Variants in GALNTL6 observed in about 807,000 individuals in gnomAD.
GALNTL6 encodes the protein polypeptide N-acetylgalactosaminyltransferase-like 6.
GALNTL6 carries 46 observed loss-of-function variants against 73.7 expected under a neutral mutation model. The ratio of observed to expected loss-of-function variants is 0.62; its 90% CI spans 0.49 to 0.80. GALNTL6 has a LOEUF of 0.80. Ranked by LOEUF, GALNTL6 falls within the 30% of genes least tolerant of loss-of-function variation. The probability of loss-of-function intolerance (pLI) is 0.00; values close to 1 mark genes in which losing one functional copy is unlikely to be tolerated. For synonymous variants in GALNTL6, 259 were observed against 263.7 expected, an observed-to-expected ratio of 0.98 and a Z score of 0.17; for missense variants, 604 against 755.0, an observed-to-expected ratio of 0.80 and a Z score of 2.34.
intron 2 of GALNTL6, among the ~76,000 whole-genome samples, chr4:172,005,223 C>T (rs943462719): frequency 1.3e-5 from 2 of 152,092 alleles, no homozygotes; most frequent in African/African-American, 2.4e-5. Context: ...CTCCCTGGCT[C>T]AGGTGATGCT....
At chr4:172,087,817 T>A (rs77646283) in intron 2 of GALNTL6, among the ~76,000 whole-genome samples, 2 of 152,082 alleles carry the variant, frequency 1.3e-5, no homozygotes, top group African/African-American at 4.8e-5. Context: ...ATCGTACATC[T>A]TTTTTATATA....
intron 5 of GALNTL6, among the ~76,000 whole-genome samples, chr4:172,383,336 C>A (rs1743352815): frequency 6.6e-6 from 1 of 151,952 alleles, no homozygotes; most frequent in Non-Finnish European, 1.5e-5. Flanking sequence ...ACTTTTGTTA[C>A]ACTTATTTAT....
chr4:172,118,569 A>G (rs1733051889), intron 2 of GALNTL6, among the ~76,000 whole-genome samples: 1 of 152,028 alleles, frequency 6.6e-6, no homozygotes, highest in Middle Eastern at 3.2e-3. Context: ...GCATGGTGGC[A>G]TATGCCTGTA....
chr4:172,744,797 T>A (rs1234350571), intron 5 of GALNTL6, among the ~76,000 whole-genome samples: 1 of 151,672 alleles, frequency 6.6e-6, no homozygotes, highest in Non-Finnish European at 1.5e-5. Context: ...CATAGTGCCA[T>A]TTCAAACAAG....
At chr4:172,942,316 T>C (rs1460765285) in intron 9 of GALNTL6, among the ~76,000 whole-genome samples, 1 of 152,210 alleles carries the variant, frequency 6.6e-6, no homozygotes, top group Non-Finnish European at 1.5e-5. Flanking sequence ...TTAATAATAA[T>C]TGGAATAAAT....
At chr4:172,369,382 A>G (rs1742697019) in intron 5 of GALNTL6, among the ~76,000 whole-genome samples, 1 of 152,208 alleles carries the variant, frequency 6.6e-6, no homozygotes, top group African/African-American at 2.4e-5. Context: ...AAAGTTCTCA[A>G]AGTCTCCACC....
chr4:172,226,605 C>CTGTGTGTGTGTG (rs3083245), intron 2 of GALNTL6, among the ~76,000 whole-genome samples: 29 of 150,118 alleles, frequency 1.9e-4, no homozygotes, highest in African/African-American at 6.8e-4. Flanking sequence ...GTGTGTGTTT[C>CTGTGTGTGTGTG]TGTGTGTGTG....
chr4:172,754,437 T>A (rs370902727), intron 5 of GALNTL6, among the ~76,000 whole-genome samples: 21 of 152,228 alleles, frequency 1.4e-4, no homozygotes, highest in East Asian at 5.8e-4. Context: ...CCAGATGTGA[T>A]GGTGCATGCC....
intron 2 of GALNTL6, among the ~76,000 whole-genome samples, chr4:172,048,404 A>T (rs1270345789): frequency 6.6e-6 from 1 of 152,166 alleles, no homozygotes; most frequent in African/African-American, 2.4e-5. Context: ...CTATTCCTGC[A>T]TCTCTGAAGC....
At chr4:173,034,029 C>T (rs1440008258) in intron 12 of GALNTL6, among the ~76,000 whole-genome samples, 2 of 152,240 alleles carry the variant, frequency 1.3e-5, no homozygotes, top group East Asian at 1.9e-4. Flanking sequence ...CACACCAATC[C>T]TGTTTCTCTT....
chr4:171,893,043 A>G (rs1736807768), intron 2 of GALNTL6, among the ~76,000 whole-genome samples: 1 of 152,244 alleles, frequency 6.6e-6, no homozygotes. Context: ...GAATGAAAAA[A>G]AAATGAATAA....
At chr4:172,757,380 C>T (rs1737811651) in intron 5 of GALNTL6, among the ~76,000 whole-genome samples, 1 of 152,184 alleles carries the variant, frequency 6.6e-6, no homozygotes, top group Non-Finnish European at 1.5e-5. Context: ...TACTATGGTA[C>T]TGCCCAGGCT....
chr4:172,031,839 A>G (rs1437725935), intron 2 of GALNTL6, among the ~76,000 whole-genome samples: 1 of 152,070 alleles, frequency 6.6e-6, no homozygotes, highest in Non-Finnish European at 1.5e-5. Context: ...ATAAAGTACC[A>G]CAGATGGATG....
At chr4:172,752,928 A>G (rs539133379) in intron 5 of GALNTL6, among the ~76,000 whole-genome samples, 23 of 152,292 alleles carry the variant, frequency 1.5e-4, no homozygotes, top group Admixed American at 3.3e-4. Flanking sequence ...GATATACTCA[A>G]TTTAGTCATC....
chr4:172,045,305 A>C (rs1037968458), intron 2 of GALNTL6, among the ~76,000 whole-genome samples: 3 of 152,044 alleles, frequency 2.0e-5, no homozygotes, highest in Admixed American at 1.3e-4. Context: ...ATTCTAATGC[A>C]AAAGGAGCTC....
intron 9 of GALNTL6, among the ~76,000 whole-genome samples, chr4:172,944,570 A>G (rs1246723928): frequency 6.6e-6 from 1 of 152,222 alleles, no homozygotes; most frequent in Non-Finnish European, 1.5e-5. Context: ...AGTTAGACAC[A>G]TACCTAGAGT....
At chr4:171,988,193 C>T (rs965562382) in intron 2 of GALNTL6, among the ~76,000 whole-genome samples, 3 of 152,124 alleles carry the variant, frequency 2.0e-5, no homozygotes, top group African/African-American at 4.8e-5. Context: ...GCAGTCCTGG[C>T]TCTTGTGTAA....
intron 7 of GALNTL6, among the ~76,000 whole-genome samples, chr4:172,865,704 C>T (rs6818634): frequency 0.48 from 72,431 of 151,928 alleles, 19,607 homozygotes; most frequent in East Asian, 0.61. Context: ...CTTCTCTTGG[C>T]TTCTGTCACG....
chr4:172,080,136 A>G lies in GALNTL6; in HGVS notation c.139-149520A>G, dbSNP rs575279461. Among the ~76,000 whole-genome samples the G allele has an allele frequency of 1.3e-5, 2 of 152,158 alleles. 1 individual carries two copies. Among genetic ancestry groups the G allele is most frequent in the South Asian group, 4.1e-4 (2 of 4,826 alleles). On this transcript the variant is annotated intron_variant, in intron 2 of 12. Coordinates refer to ENST00000506823, the MANE Select transcript of GALNTL6 (RefSeq NM_001034845.3). ...ATTTCTCAAATTAAGTTTCCCTTCCACAGCTTTGAAGTGCCACATTTACTT... is the reference window on the plus strand; with the variant it reads ...ATTTCTCAAATTAAGTTTCCCTTCCGCAGCTTTGAAGTGCCACATTTACTT...
Sources: allele counts gnomAD v4.1 joint callset (sites outside exome capture counted in the v4.1 genomes callset), GRCh38; gene constraint gnomAD v4.1.1; transcripts MANE v1.5; gene names NCBI Gene and HGNC (gene_info 2026-07-23, HGNC 2026-07-21).